Variants in CNTN4 observed in about 807,000 individuals in gnomAD.
CNTN4 encodes contactin-4.
CNTN4 carries 77 observed loss-of-function variants against 122.5 expected under a neutral mutation model. The ratio of observed to expected loss-of-function variants is 0.63; its 90% confidence interval spans 0.52 to 0.76. The LOEUF (loss-of-function observed/expected upper bound fraction) is 0.76. CNTN4 is among the 30% of genes least tolerant of loss of function. CNTN4 has a pLI of 0.00. For synonymous variants in CNTN4, 512 were observed against 447.0 expected (o/e 1.15, Z -1.83); for missense variants, 1,256 against 1,259.1 (o/e 1.00, Z 0.04).
chr3:2,901,443 C>G (rs1427170216), intron 11 of CNTN4, among the ~76,000 whole-genome samples: 1 of 152,120 alleles, frequency 6.6e-6, no homozygotes, highest in Non-Finnish European at 1.5e-5. Flanking sequence ...ATTTACATGA[C>G]AGGAAGAGAA....
intron 6 of CNTN4, among the ~76,000 whole-genome samples, chr3:2,749,328 G>GTTTTTT (rs11381094): frequency 9.6e-5 from 13 of 135,672 alleles, no homozygotes; most frequent in Non-Finnish European, 1.1e-4. Flanking sequence ...GCCCAGATAA[G>GTTTTTT]TTTTTTTTTT....
At chr3:2,533,881 T>C (rs545331413) in intron 3 of CNTN4, among the ~76,000 whole-genome samples, 53 of 152,220 alleles carry the variant, frequency 3.5e-4, no homozygotes, top group Non-Finnish European at 6.6e-4. Context: ...CATTTTTTCA[T>C]GTGTCTGTTG....
Position 3,043,671 on chromosome 3 carries a change from C to T in CNTN4, c.2778C>T (p.Ala926=), listed in dbSNP as rs974061848. 3.1e-6 allele frequency: 5 copies of T among 1,613,564 alleles called. No homozygotes were observed. The highest frequency in any genetic ancestry group is 3.4e-6 in the Non-Finnish European group (4 of 1,179,644). ...KIILNWDQVK[A]LDNESEVKGY... Reference sequence around the variant, plus strand: ...TCCTGAATTGGGATCAAGTGAAGGCCCTGGATAATGAGTCGGAAGTAAAAG... The same window carrying T: ...TCCTGAATTGGGATCAAGTGAAGGCTCTGGATAATGAGTCGGAAGTAAAAG... Residue 926 remains alanine (A), a synonymous_variant, in exon 23 of 25, where the codon GCC becomes GCT. Transcript: ENST00000418658.
chr3:2,370,350 G>C (rs1380887649), intron 3 of CNTN4, among the ~76,000 whole-genome samples: 1 of 152,164 alleles, frequency 6.6e-6, no homozygotes, highest in African/African-American at 2.4e-5. Context: ...TTTTATAACT[G>C]TCATACTTTG....
At chr3:3,006,320 C>T (rs1396623043) in intron 14 of CNTN4, among the ~76,000 whole-genome samples, 2 of 152,080 alleles carry the variant, frequency 1.3e-5, no homozygotes, top group Non-Finnish European at 2.9e-5. Flanking sequence ...CACGTCTGGC[C>T]CATATTAGGT....
intron 8 of CNTN4, among the ~76,000 whole-genome samples, chr3:2,869,404 A>G (rs546504415): frequency 6.6e-6 from 1 of 152,318 alleles, no homozygotes; most frequent in African/African-American, 2.4e-5. Flanking sequence ...GAACCTGATC[A>G]TTCCTTAAAT....
chr3:2,429,888 CG>C (rs939166653), intron 3 of CNTN4, among the ~76,000 whole-genome samples: 13 of 152,112 alleles, frequency 8.5e-5, no homozygotes, highest in Non-Finnish European at 1.3e-4. Context: ...AAGCCACGCG[CG>C]GGATATAATT....
At chr3:2,736,926 G>T (rs1318617920) in intron 5 of CNTN4, among the ~76,000 whole-genome samples, 1 of 152,128 alleles carries the variant, frequency 6.6e-6, no homozygotes, top group African/African-American at 2.4e-5. Context: ...TAGGATTACA[G>T]ATGTGTGCCA....
At chr3:2,317,642 A>G (rs1282644950) in intron 2 of CNTN4, among the ~76,000 whole-genome samples, 1 of 152,302 alleles carries the variant, frequency 6.6e-6, no homozygotes, top group South Asian at 2.1e-4. Context: ...AGTGAGTTTG[A>G]AGTCTTTCTT....
At chr3:2,408,780 T>C (rs1282480811) in intron 3 of CNTN4, among the ~76,000 whole-genome samples, 1 of 152,196 alleles carries the variant, frequency 6.6e-6, no homozygotes, top group Non-Finnish European at 1.5e-5. Context: ...TGTTAGTAGA[T>C]GTCAGTGTCA....
At chr3:2,353,341 G>C (rs1161660847) in intron 3 of CNTN4, among the ~76,000 whole-genome samples, 1 of 152,176 alleles carries the variant, frequency 6.6e-6, no homozygotes, top group East Asian at 1.9e-4. Context: ...CCAATCATCA[G>C]GATGTGGGTG....
intron 4 of CNTN4, among the ~76,000 whole-genome samples, chr3:2,618,547 G>T (rs2081869222): frequency 6.6e-6 from 1 of 152,046 alleles, no homozygotes; most frequent in Admixed American, 6.6e-5. Flanking sequence ...CTATGAAATA[G>T]GTATATTGAT....
chr3:2,667,000 T>C (rs1358188128), intron 4 of CNTN4, among the ~76,000 whole-genome samples: 1 of 152,074 alleles, frequency 6.6e-6, no homozygotes, highest in Admixed American at 6.5e-5. Flanking sequence ...TTGATGGACA[T>C]TTGGGTTGGT....
intron 4 of CNTN4, among the ~76,000 whole-genome samples, chr3:2,622,402 G>C (rs977175531): frequency 1.3e-5 from 2 of 152,058 alleles, no homozygotes; most frequent in South Asian, 4.1e-4. Context: ...AGTGATTCTC[G>C]TGCCTCAACT....
chr3:2,890,414 G>T (rs2094025623), intron 10 of CNTN4, among the ~76,000 whole-genome samples: 2 of 152,122 alleles, frequency 1.3e-5, no homozygotes, highest in South Asian at 4.1e-4. Context: ...ACTTATCCAT[G>T]AACATTCTGT....
intron 4 of CNTN4, among the ~76,000 whole-genome samples, chr3:2,696,813 C>T (rs1047967640): frequency 3.3e-5 from 5 of 151,832 alleles, no homozygotes; most frequent in South Asian, 2.1e-4. Flanking sequence ...TTTAAGGGAA[C>T]GGCTTACATC....
chr3:2,803,153 T>A (rs1331713590), intron 6 of CNTN4, among the ~76,000 whole-genome samples: 1 of 152,224 alleles, frequency 6.6e-6, no homozygotes, highest in Admixed American at 6.5e-5. Flanking sequence ...ATTTTCAGAA[T>A]GATTAAATGT....
intron 4 of CNTN4, among the ~76,000 whole-genome samples, chr3:2,653,391 T>C (rs2150214988): frequency 6.6e-6 from 1 of 152,312 alleles, no homozygotes; most frequent in East Asian, 1.9e-4. Flanking sequence ...TAGATTGAGC[T>C]CTTTTCCAAA....
chr3:2,740,715 T>G (rs1441710349), intron 5 of CNTN4, among the ~76,000 whole-genome samples: 1 of 152,206 alleles, frequency 6.6e-6, no homozygotes, highest in Non-Finnish European at 1.5e-5. Flanking sequence ...TGTCATAGTT[T>G]AGGAGAGACT....
Sources: gnomAD v4.1 joint callset for allele counts (sites outside exome capture counted in the v4.1 genomes callset) on GRCh38, gnomAD v4.1.1 for gene constraint, MANE v1.5 for transcripts, NCBI Gene and HGNC (gene_info 2026-07-23, HGNC 2026-07-21) for gene names.